The following JAK1 variants were observed in gnomAD, a reference collection of about 807,000 sequenced individuals.
JAK1 encodes Janus kinase 1, also known as tyrosine-protein kinase JAK1.
In JAK1, 16 loss-of-function variants were observed where a neutral mutation model predicts 136.6. That is an observed-to-expected ratio of 0.12 (90% CI 0.08 to 0.18). The LOEUF (loss-of-function observed/expected upper bound fraction) is 0.18. JAK1 is among the 10% of genes least tolerant of loss of function. JAK1 has a pLI of 1.00. For synonymous variants in JAK1, 492 were observed against 519.5 expected, an observed-to-expected ratio of 0.95 and a Z score of 0.72; for missense variants, 859 against 1,450.1, an observed-to-expected ratio of 0.59 and a Z score of 6.62.
intron 1 of JAK1, among the ~76,000 whole-genome samples, chr1:65,065,836 A>C (rs1648016973): frequency 6.6e-6 from 1 of 151,694 alleles, no homozygotes; most frequent in Non-Finnish European, 1.5e-5. Flanking sequence ...TAGAAGACCC[A>C]GAGGGGAATA....
At chr1:65,035,490 A>C (rs769347843) in intron 2 of JAK1, among the ~76,000 whole-genome samples, 9 of 152,196 alleles carry the variant, frequency 5.9e-5, no homozygotes, top group Admixed American at 2.6e-4. Context: ...TCTAGAAGTA[A>C]ACTGGGAAAC....
intron 1 of JAK1, among the ~76,000 whole-genome samples, chr1:64,893,913 C>G (rs1225009708): frequency 1.3e-5 from 2 of 152,290 alleles, no homozygotes; most frequent in East Asian, 1.9e-4. Context: ...CCTTCCACCC[C>G]TTGCTAAATT....
At position 64,841,616 on chromosome 1, in the gene JAK1, G is replaced by C; in HGVS notation, c.2404-15C>G. Reference sequence around the variant, plus strand: ...AATCTCTCTTTCTGTAAACAAGAGGGGCACATGGAAGAAACCAAAGGAACC... The same window carrying C: ...AATCTCTCTTTCTGTAAACAAGAGGCGCACATGGAAGAAACCAAAGGAACC... On this transcript the variant is annotated splice_polypyrimidine_tract_variant and intron_variant, in intron 17 of 24. Transcript: ENST00000342505. 1 of 1,613,176 alleles carries C rather than the reference G, an allele frequency of 6.2e-7. No homozygotes were observed.
At chr1:65,061,068 T>A (rs913745899) in intron 1 of JAK1, among the ~76,000 whole-genome samples, 1 of 152,200 alleles carries the variant, frequency 6.6e-6, no homozygotes, top group East Asian at 1.9e-4. Context: ...TACCAAATAT[T>A]ATCTACAAAA....
At chr1:65,051,235 A>C (rs182626900) in intron 1 of JAK1, among the ~76,000 whole-genome samples, 82 of 151,894 alleles carry the variant, frequency 5.4e-4, no homozygotes, top group Non-Finnish European at 9.0e-4. Context: ...GGAAAGATTC[A>C]TGTCTCAATA....
upstream of JAK1, among the ~76,000 whole-genome samples, chr1:64,969,103 C>G (rs1306345144): frequency 1.3e-5 from 2 of 151,380 alleles, no homozygotes; most frequent in Non-Finnish European, 2.9e-5. Context: ...GAGTGAGACC[C>G]CTTCTCTTAA....
Position 64,844,400 on chromosome 1 carries a change from C to T in JAK1, c.2252-185G>A, listed in dbSNP as rs1158544169. On this transcript the variant is annotated intron_variant, in intron 16 of 24. Transcript: ENST00000342505. The surrounding 1 kb of genome is among the most constrained non-coding windows in gnomAD (Gnocchi z 5.7). ...AGGCGTGCAGCCCTCCAAGCCACCACCAGCACTTCTGATACATCAGTCTGG... is the reference window on the plus strand; with the variant it reads ...AGGCGTGCAGCCCTCCAAGCCACCATCAGCACTTCTGATACATCAGTCTGG... Among the ~76,000 whole-genome samples, 3 of 152,250 alleles carry T rather than the reference C, an allele frequency of 2.0e-5. No individual in the cohort carries two copies. The highest frequency in any genetic ancestry group is 4.4e-5 in the Non-Finnish European group (3 of 68,038).
At chr1:64,902,583 A>AGAGAGAGAGTGTGTGTGTGTGTGT in intron 1 of JAK1, among the ~76,000 whole-genome samples, 1 of 73,758 alleles carries the variant, frequency 1.4e-5, no homozygotes, top group Non-Finnish European at 2.4e-5. Context: ...AGAGAGAGAG[A>AGAGAGAGAGTGTGTGTGTGTGTGT]GTGTGTGTGT....
intron 8 of JAK1, among the ~76,000 whole-genome samples, chr1:64,861,287 T>G (rs1656320936): frequency 6.6e-6 from 1 of 152,128 alleles, no homozygotes; most frequent in South Asian, 2.1e-4. Flanking sequence ...AAGAGTTTGC[T>G]AGATTAAGCC....
At chr1:64,970,324 C>T (rs1164183001), upstream of JAK1, among the ~76,000 whole-genome samples, 2 of 151,466 alleles carry the variant, frequency 1.3e-5, no homozygotes, top group Non-Finnish European at 2.9e-5. Flanking sequence ...ACCTGTAATT[C>T]CAGCTTCTCG....
Position 64,948,203 on chromosome 1 carries a change from C to A in JAK1, c.-78+18130G>T, listed in dbSNP as rs563633856. ...AGGCTTAAATTTATTAAATCCAAATCTAATCAATGACTGTTTACTGACTGC... is the reference window on the plus strand; with the variant it reads ...AGGCTTAAATTTATTAAATCCAAATATAATCAATGACTGTTTACTGACTGC... On this transcript the variant is annotated intron_variant, in intron 1 of 24. Transcript: ENST00000342505. Among the ~76,000 whole-genome samples the A allele has an allele frequency of 2.0e-5, 3 of 152,330 alleles. No homozygotes were observed. In the South Asian group the frequency reaches 6.2e-4, roughly 32 times the overall value.
chr1:64,869,205 A>C (rs1656914332), intron 6 of JAK1, 106 bp downstream of exon 6: 1 of 971,214 alleles, frequency 1.0e-6, no homozygotes, highest in African/African-American at 1.6e-5. Flanking sequence ...TTTCATAGAG[A>C]GCAAAGGTCA....
chr1:65,059,741 G>A (rs1182803714), intron 1 of JAK1, among the ~76,000 whole-genome samples: 1 of 152,006 alleles, frequency 6.6e-6, no homozygotes, highest in Non-Finnish European at 1.5e-5. Flanking sequence ...ATGTCATAAG[G>A]TTTCAAGTTA....
chr1:65,047,797 A>G (rs1395916008), intron 1 of JAK1, among the ~76,000 whole-genome samples: 7 of 152,102 alleles, frequency 4.6e-5, no homozygotes, highest in Admixed American at 2.0e-4. Flanking sequence ...CAGTAAGTAT[A>G]CTGAAGTACG....
intron 1 of JAK1, among the ~76,000 whole-genome samples, chr1:64,946,630 G>C (rs1332885933): frequency 1.3e-5 from 2 of 152,102 alleles, no homozygotes; most frequent in East Asian, 3.9e-4. Flanking sequence ...CCACTTACTG[G>C]GCACCAAAAA....
chr1:65,001,068 A>G (rs1646751663), intron 2 of JAK1, among the ~76,000 whole-genome samples: 1 of 152,086 alleles, frequency 6.6e-6, no homozygotes, highest in Non-Finnish European at 1.5e-5. Context: ...TTCAGCATCA[A>G]TTCACAAAAT....
rs544210735 is a variant in JAK1, at chr1:64,840,274, G to A, written c.2650-479C>T. On this transcript the variant is annotated intron_variant, in intron 19 of 24. Coordinates refer to ENST00000342505, the MANE Select transcript of JAK1 (RefSeq NM_002227.4). ...ATCGGAGCTGGCTCCTGATGCACTC[G>A]CTGCATACAGAAACTGGCCTCGGGG... Among the ~76,000 whole-genome samples, 15 of 152,266 alleles carry A rather than the reference G, an allele frequency of 9.9e-5. No individual in the cohort carries two copies. The South Asian group carries it at 1.0e-3, about 11-fold the overall frequency.
chr1:64,951,392 G>A (rs1646084132), intron 1 of JAK1, among the ~76,000 whole-genome samples: 1 of 152,050 alleles, frequency 6.6e-6, no homozygotes, highest in South Asian at 2.1e-4. Flanking sequence ...ATACAGAAAA[G>A]TATAAAGAAC....
At position 64,886,773 on chromosome 1, in the gene JAK1, C is replaced by T. The variant is rs1644859364; in HGVS notation, c.-77-432G>A. Among the ~76,000 whole-genome samples the T allele has an allele frequency of 2.0e-5, 3 of 147,104 alleles. 1 individual carries two copies. The South Asian group carries it at 6.6e-4, about 32-fold the overall frequency. The stretch of plus-strand genomic sequence containing the variant: ...GTCTACACACACACACACACACACA[C>T]ACACACACACACACACACAGAGCTT... On this transcript the variant is annotated intron_variant, in intron 1 of 24. Transcript: ENST00000342505.
Sources: allele counts gnomAD v4.1 joint callset (sites outside exome capture counted in the v4.1 genomes callset), GRCh38; gene constraint gnomAD v4.1.1; non-coding constraint Gnocchi (gnomAD v3.1); transcripts MANE v1.5; gene names NCBI Gene and HGNC (gene_info 2026-07-23, HGNC 2026-07-21).